DNAH14: variants seen among roughly 807,000 people sequenced by gnomAD.
DNAH14 encodes the protein axonemal beta dynein heavy chain 14.
In DNAH14, 478 loss-of-function variants were observed where a neutral mutation model predicts 520.9. The observed-to-expected ratio is 0.92, with a 90% CI of 0.85 to 0.99. DNAH14 has a LOEUF of 0.99. Among genes scored for constraint, DNAH14 ranks in the 50% least tolerant of loss-of-function variants. The probability of loss-of-function intolerance (pLI) is 0.00; values close to 1 mark genes in which losing one functional copy is unlikely to be tolerated. For missense variants in DNAH14, 4,831 were observed against 5,234.5 expected (o/e 0.92, Z 2.38); for synonymous variants, 1,581 against 1,757.2 (o/e 0.90, Z 2.51).
At chr1:225,317,989 T>A (rs2094496262) in intron 60 of DNAH14, among the ~76,000 whole-genome samples, 1 of 152,202 alleles carries the variant, frequency 6.6e-6, no homozygotes, top group Admixed American at 6.5e-5. Context: ...GGGAAGTAAC[T>A]GTGAGCAATA....
chr1:225,001,535 T>C (rs2489320), intron 8 of DNAH14, among the ~76,000 whole-genome samples: 143,100 of 152,224 alleles, frequency 0.94, 67,368 homozygotes, highest in East Asian at 1. Flanking sequence ...TGTTATTTTT[T>C]TCTTGTTAGA....
chr1:225,212,984 A>G (rs2088673303), intron 41 of DNAH14, among the ~76,000 whole-genome samples: 1 of 152,150 alleles, frequency 6.6e-6, no homozygotes, highest in Admixed American at 6.6e-5. Context: ...GTCCTTGCCC[A>G]TGCCTATGTC....
intron 17 of DNAH14, among the ~76,000 whole-genome samples, chr1:225,068,667 C>G (rs1003910499): frequency 1.3e-5 from 2 of 152,108 alleles, no homozygotes; most frequent in Non-Finnish European, 1.5e-5. Context: ...TTTTACCTCC[C>G]TAGTTAACTG....
chr1:225,390,063 C>T (rs1252618742), intron 83 of DNAH14, among the ~76,000 whole-genome samples, 190 bp downstream of exon 83: 2 of 152,236 alleles, frequency 1.3e-5, no homozygotes, highest in Non-Finnish European at 1.5e-5. Flanking sequence ...TCACCCCAAC[C>T]TCCTCACATG....
intron 16 of DNAH14, 56 bp from the exon 17 acceptor site, chr1:225,051,395 A>G: frequency 7.8e-7 from 1 of 1,289,920 alleles, no homozygotes; most frequent in East Asian, 2.7e-5. Context: ...ATGCCAAACC[A>G]TTTTTCACTC....
intron 4 of DNAH14, 121 bp from the exon 5 acceptor site, chr1:224,964,358 A>T (rs916121415): frequency 1.8e-6 from 2 of 1,127,460 alleles, no homozygotes; most frequent in African/African-American, 3.2e-5. Flanking sequence ...AATAATCGTT[A>T]TGTATACTTT....
chr1:224,962,303 T>C (rs2060897726), intron 4 of DNAH14, among the ~76,000 whole-genome samples: 2 of 152,146 alleles, frequency 1.3e-5, no homozygotes, highest in African/African-American at 4.8e-5. Flanking sequence ...TTTAAGGCCC[T>C]TAATCAAATC....
chr1:224,936,137 C>G lies in DNAH14; in HGVS notation c.-34+6302C>G, dbSNP rs1306242940. Among the ~76,000 whole-genome samples the G allele has an allele frequency of 2.0e-5, 3 of 151,662 alleles. No homozygotes were observed. In the East Asian group the frequency reaches 5.8e-4, roughly 29 times the overall value. ...AGTAGGAAGATTACTAATTAACAAT[C>G]TAATGATGTACCTCAAGGAACTAGA... On this transcript the variant is annotated intron_variant, in intron 1 of 85. Transcript: ENST00000682510.
chr1:225,012,127 C>G (rs2064825297), intron 10 of DNAH14, among the ~76,000 whole-genome samples: 2 of 152,010 alleles, frequency 1.3e-5, no homozygotes, highest in African/African-American at 4.8e-5. Flanking sequence ...CTTTCAGGAG[C>G]TCTTATAAGG....
In DNAH14 at chr1:225,130,587, G is replaced by A. The variant is rs1031091663; in HGVS notation, c.4254+6973G>A. Among the ~76,000 whole-genome samples the A allele has an allele frequency of 2.1e-5, 3 of 146,208 alleles. No homozygotes were observed. In the East Asian group the frequency reaches 6.1e-4, roughly 30 times the overall value. ...TCGCAAGGATAAAAAACCAAACACTGCCTGTTCTCACTCATAGATGGGAAT... is the reference window on the plus strand; with the variant it reads ...TCGCAAGGATAAAAAACCAAACACTACCTGTTCTCACTCATAGATGGGAAT... On this transcript the variant is annotated intron_variant, in intron 27 of 85. Transcript: ENST00000682510.
At position 225,364,815 on chromosome 1, in the gene DNAH14, T is replaced by C. The variant is rs1419494899; in HGVS notation, c.12011T>C (p.Ile4004Thr). 13 of 1,548,236 alleles carry C rather than the reference T, an allele frequency of 8.4e-6. No individual in the cohort carries two copies. Among genetic ancestry groups the C allele is most frequent in the African/African-American group, 2.7e-5 (2 of 72,938 alleles). Residue 4004 changes from isoleucine to threonine, a missense_variant, in exon 76 of 86, where the codon ATA (isoleucine) becomes ACA (threonine). Coordinates refer to ENST00000682510, the MANE Select transcript of DNAH14 (RefSeq NM_001367479.1). ...AGTTTTAATAGTCCAAACGTGACAATAGACCCTGAGTTTCGGCTATGGTTA... is the reference window on the plus strand; with the variant it reads ...AGTTTTAATAGTCCAAACGTGACAACAGACCCTGAGTTTCGGCTATGGTTA... Reference protein sequence around the residue: ...VESFNSPNVTIDPEFRLWLSS... With the variant: ...VESFNSPNVTTDPEFRLWLSS...
At position 225,079,205 on chromosome 1, in the gene DNAH14, A is replaced by T; in HGVS notation, c.2425-2A>T. The T allele has an allele frequency of 6.5e-7, 1 of 1,532,730 alleles. No individual in the cohort carries two copies. The highest frequency in any genetic ancestry group is 8.8e-7 in the Non-Finnish European group (1 of 1,142,530). 94.9% of individuals were successfully genotyped at this position (1,532,730 alleles called of 1,614,324 possible). ...CAATTATAATTGACATGTTGATTTC[A>T]GGTTGTGGAATCATCATTGCAGCAG... On this transcript the variant is annotated splice_acceptor_variant, in intron 17 of 85. Transcript: ENST00000682510. LOFTEE classifies it high-confidence loss of function.
chr1:225,082,138 C>A (rs1393323935), intron 19 of DNAH14, among the ~76,000 whole-genome samples: 2 of 147,394 alleles, frequency 1.4e-5, no homozygotes, highest in African/African-American at 2.5e-5. Context: ...TAAATAAATA[C>A]CCAGAATCTG....
intron 3 of DNAH14, among the ~76,000 whole-genome samples, chr1:224,955,948 C>G (rs960369533): frequency 2.6e-5 from 4 of 152,098 alleles, no homozygotes; most frequent in African/African-American, 9.7e-5. Context: ...GATTCTACCT[C>G]CTTCATTCTA....
intron 21 of DNAH14, among the ~76,000 whole-genome samples, chr1:225,089,426 A>G (rs572235098): frequency 1.4e-5 from 2 of 146,366 alleles, no homozygotes; most frequent in South Asian, 4.5e-4. Context: ...CCTGGGCAAC[A>G]AGAGCAAAAC....
chr1:225,346,037 G>A lies in DNAH14; in HGVS notation c.10754G>A (p.Arg3585His), dbSNP rs200532024. 1.7e-4 allele frequency: 257 copies of A among 1,551,532 alleles called. No individual in the cohort carries two copies. In the African/African-American group the frequency reaches 3.0e-3, roughly 18 times the overall value. ...ATGACATCAAACGAAATTTCAAAGC[G>A]CATCGAAGCAACAAAAAAAGCTGAA... ...SKMTSNEISK[R>H]IEATKKAESE... Residue 3585 changes from arginine (R) to histidine (H), a missense_variant, in exon 70 of 86, where the codon CGC becomes CAC. Physicochemically the swap from Arg to His is conservative, Grantham distance 29. Transcript: ENST00000682510.
At chr1:225,277,109 G>A (rs1452785646) in intron 53 of DNAH14, among the ~76,000 whole-genome samples, 1 of 104,412 alleles carries the variant, frequency 9.6e-6, no homozygotes, top group Non-Finnish European at 2.0e-5. Context: ...GGGAAAGGGG[G>A]AGGGGGGGAG....
At chr1:225,286,687 C>T (rs2093753116) in intron 54 of DNAH14, among the ~76,000 whole-genome samples, 1 of 152,152 alleles carries the variant, frequency 6.6e-6, no homozygotes, top group Admixed American at 6.6e-5. Flanking sequence ...CAAAGCTAAA[C>T]ATAGTCTTGC....
At chr1:225,221,262 C>T (rs1190282713) in intron 41 of DNAH14, among the ~76,000 whole-genome samples, 1 of 152,174 alleles carries the variant, frequency 6.6e-6, no homozygotes, top group Non-Finnish European at 1.5e-5. Context: ...GACTTCACAA[C>T]TAAGACACCA....
Sources: allele counts gnomAD v4.1 joint callset (sites outside exome capture counted in the v4.1 genomes callset), GRCh38; gene constraint gnomAD v4.1.1; transcripts MANE v1.5; gene names NCBI Gene and HGNC (gene_info 2026-07-23, HGNC 2026-07-21).